HHAT: variants seen among roughly 807,000 people sequenced by gnomAD.
HHAT encodes hedgehog acyltransferase.
A neutral mutation model predicts 70.8 loss-of-function variants in HHAT; 47 were observed. That is an observed-to-expected ratio of 0.66 (90% confidence interval 0.53 to 0.85). HHAT has a LOEUF of 0.85. Ranked by LOEUF, HHAT falls within the 40% of genes least tolerant of loss-of-function variation. The pLI, the probability that HHAT is intolerant of heterozygous loss-of-function variation, is 0.00. For missense variants in HHAT, 609 were observed against 604.8 expected (o/e 1.01, Z -0.07); for synonymous variants, 228 against 247.6 (o/e 0.92, Z 0.74).
chr1:210,664,748 A>T (rs558465479), intron 11 of HHAT, among the ~76,000 whole-genome samples: 3 of 152,360 alleles, frequency 2.0e-5, no homozygotes, highest in African/African-American at 7.2e-5. Flanking sequence ...CTGCAGAACC[A>T]CATGTGACCC....
chr1:210,480,647 T>C (rs1167147398), intron 8 of HHAT, among the ~76,000 whole-genome samples: 1 of 152,184 alleles, frequency 6.6e-6, no homozygotes, highest in Non-Finnish European at 1.5e-5. Flanking sequence ...GTCTTGCACT[T>C]TCCATCTACA....
chr1:210,357,412 C>T (rs2087756436), intron 2 of HHAT, among the ~76,000 whole-genome samples: 1 of 152,224 alleles, frequency 6.6e-6, no homozygotes, highest in Non-Finnish European at 1.5e-5. Context: ...TGAAGGATCA[C>T]ACAGAAGAAA....
chr1:210,530,873 T>G (rs188678421), intron 9 of HHAT, among the ~76,000 whole-genome samples: 94 of 151,560 alleles, frequency 6.2e-4, no homozygotes, highest in African/African-American at 2.2e-3. Context: ...ATTGACAGGC[T>G]AAGAAAAAAA....
chr1:210,615,841 G>A (rs1183404631), intron 10 of HHAT, among the ~76,000 whole-genome samples: 1 of 152,186 alleles, frequency 6.6e-6, no homozygotes, highest in African/African-American at 2.4e-5. Context: ...GTGTCAGTCT[G>A]CCCCTACTGG....
At chr1:210,652,703 G>C (rs1263157834) in intron 11 of HHAT, among the ~76,000 whole-genome samples, 1 of 151,938 alleles carries the variant, frequency 6.6e-6, no homozygotes, top group Non-Finnish European at 1.5e-5. Context: ...CCTGTAAGAA[G>C]AATGGGGAAA....
chr1:210,409,056 A>G (rs116326085), intron 6 of HHAT, among the ~76,000 whole-genome samples: 2,988 of 152,042 alleles, frequency 0.02, 114 homozygotes, highest in African/African-American at 0.068. Flanking sequence ...TCTAGAGATG[A>G]GGTCTTGCTA....
intron 3 of HHAT, chr1:210,374,132 G>C (rs771147169): frequency 1.3e-5 from 2 of 152,254 alleles, no homozygotes; most frequent in Non-Finnish European, 2.9e-5. Flanking sequence ...TCCTCTTTAA[G>C]TCTTTTTTTA....
At chr1:210,482,907 C>CT (rs1324052423) in intron 8 of HHAT, among the ~76,000 whole-genome samples, 2 of 152,172 alleles carry the variant, frequency 1.3e-5, no homozygotes, top group Non-Finnish European at 2.9e-5. Flanking sequence ...TTTCATCACT[C>CT]TCTTCTCATT....
chr1:210,418,507 C>T (rs1412974128), intron 7 of HHAT, among the ~76,000 whole-genome samples, 182 bp downstream of exon 7: 1 of 152,120 alleles, frequency 6.6e-6, no homozygotes, highest in Non-Finnish European at 1.5e-5. Flanking sequence ...GTTGATGTAG[C>T]TGACGGAAGT....
chr1:210,620,855 T>C (rs1302018434), intron 10 of HHAT, among the ~76,000 whole-genome samples: 3 of 152,104 alleles, frequency 2.0e-5, no homozygotes, highest in Non-Finnish European at 4.4e-5. Context: ...TTCCTATCTC[T>C]GAGATCAGCA....
intron 2 of HHAT, among the ~76,000 whole-genome samples, chr1:210,359,881 A>C (rs1184655856): frequency 6.6e-6 from 1 of 151,968 alleles, no homozygotes; most frequent in Non-Finnish European, 1.5e-5. Context: ...ACAAAAAAAA[A>C]ACCCAGTCTC....
chr1:210,523,608 G>C (rs1267370259), intron 9 of HHAT, among the ~76,000 whole-genome samples: 1 of 152,050 alleles, frequency 6.6e-6, no homozygotes, highest in Non-Finnish European at 1.5e-5. Flanking sequence ...GCTTGTGTGT[G>C]TGTGTGCGCG....
chr1:210,400,669 G>A lies in HHAT; in HGVS notation c.468+7G>A. The A allele has an allele frequency of 6.2e-7, 1 of 1,608,426 alleles. No homozygotes were observed. Among genetic ancestry groups the A allele is most frequent in the Non-Finnish European group, 8.5e-7 (1 of 1,177,390 alleles). ...GGGTGTGGAAGAAGTTAAGGTAAGT[G>A]TTTTCCTGTTACCATTGGGAATCCA... On this transcript the variant is annotated splice_region_variant and intron_variant, in intron 5 of 11. Coordinates refer to ENST00000261458, the MANE Select transcript of HHAT (RefSeq NM_018194.6).
intron 9 of HHAT, among the ~76,000 whole-genome samples, chr1:210,570,429 A>G (rs17016500): frequency 2.1e-3 from 326 of 152,288 alleles, no homozygotes; most frequent in African/African-American, 7.4e-3. Context: ...GTTGGGCATG[A>G]CAATGTACAG....
intron 2 of HHAT, among the ~76,000 whole-genome samples, chr1:210,359,867 A>G (rs1377164478): frequency 2.0e-5 from 3 of 148,726 alleles, no homozygotes; most frequent in African/African-American, 4.9e-5. Context: ...ACTTCTGGGA[A>G]AAAACAAAAA....
chr1:210,590,676 G>A (rs11119545), intron 10 of HHAT: 145,593 of 152,060 alleles, frequency 0.96, 70,028 homozygotes, highest in East Asian at 1. Context: ...GATGAGGCCC[G>A]CTCACATTAG....
chr1:210,463,683 T>C (rs190961571), intron 7 of HHAT, among the ~76,000 whole-genome samples: 2 of 152,308 alleles, frequency 1.3e-5, no homozygotes, highest in Non-Finnish European at 1.5e-5. Flanking sequence ...AGGAGTGGAA[T>C]TGCTGGATCA....
At chr1:210,374,097 A>G (rs1399810866) in intron 3 of HHAT, 3 of 151,848 alleles carry the variant, frequency 2.0e-5, no homozygotes, top group Non-Finnish European at 2.9e-5. Context: ...GAATCACTTA[A>G]GCCTAAAGTT....
intron 7 of HHAT, among the ~76,000 whole-genome samples, chr1:210,434,823 T>G (rs986543771): frequency 4.0e-5 from 6 of 151,864 alleles, no homozygotes; most frequent in Non-Finnish European, 2.9e-5. Flanking sequence ...AGGTAATCGT[T>G]TAGAGCTAAT....
Sources: gnomAD v4.1 joint callset for allele counts (sites outside exome capture counted in the v4.1 genomes callset) on GRCh38, gnomAD v4.1.1 for gene constraint, MANE v1.5 for transcripts, NCBI Gene and HGNC (gene_info 2026-07-23, HGNC 2026-07-21) for gene names.